The following GABRG3 variants were observed in gnomAD, a reference collection of about 807,000 sequenced individuals.
GABRG3 encodes the protein gamma-aminobutyric acid type A receptor subunit gamma3, also known as gamma-aminobutyric acid receptor subunit gamma-3.
A neutral mutation model predicts 48.8 loss-of-function variants in GABRG3; 25 were observed. The ratio of observed to expected loss-of-function variants is 0.51; its 90% CI spans 0.37 to 0.72. The LOEUF (loss-of-function observed/expected upper bound fraction) is 0.72. Ranked by LOEUF, GABRG3 falls within the 30% of genes least tolerant of loss-of-function variation. The pLI is 0.00. For missense variants in GABRG3, 394 were observed against 577.9 expected (o/e 0.68, Z 3.26); for synonymous variants, 227 against 217.6 (o/e 1.04, Z -0.38).
Position 27,535,701 on chromosome 15 carries a change from A to C in GABRG3, c.*2820A>C, listed in dbSNP as rs1891532452. The C allele has an allele frequency of 6.6e-6, 1 of 152,266 alleles. No individual in the cohort carries two copies. Among genetic ancestry groups the C allele is most frequent in the Non-Finnish European group, 1.5e-5 (1 of 68,068 alleles). The allele number at this position is 152,266 out of a possible 1,614,324, so 9.4% of individuals were successfully genotyped here. ...CAGGCTTGCATAATTCAAGTTCTCC[A>C]TATCAGTCTCAACTCCTGAGATGAG... On this transcript the variant is annotated 3_prime_UTR_variant, in exon 10 of 10. Coordinates refer to ENST00000615808, the MANE Select transcript of GABRG3 (RefSeq NM_033223.5).
chr15:27,178,164 A>G (rs1326541489), intron 3 of GABRG3, among the ~76,000 whole-genome samples: 4 of 152,214 alleles, frequency 2.6e-5, no homozygotes, highest in Admixed American at 6.5e-5. Flanking sequence ...AGTTTGGTCA[A>G]GAAGAGAATT....
At chr15:27,477,758 A>T (rs1889983587) in intron 5 of GABRG3, among the ~76,000 whole-genome samples, 1 of 152,096 alleles carries the variant, frequency 6.6e-6, no homozygotes, top group South Asian at 2.1e-4. Context: ...AAAGAAAAGG[A>T]GGCCGGGCAC....
intron 5 of GABRG3, among the ~76,000 whole-genome samples, chr15:27,418,407 C>T (rs1180654982): frequency 6.6e-6 from 1 of 152,182 alleles, no homozygotes; most frequent in East Asian, 1.9e-4. Context: ...TTCCTTGACC[C>T]CTTTGCACCT....
chr15:27,530,876 G>C (rs1462306969), intron 9 of GABRG3: 1 of 343,546 alleles, frequency 2.9e-6, no homozygotes, highest in Non-Finnish European at 5.9e-6. Context: ...ACACGTGTAG[G>C]AAACCTTTAT....
chr15:27,254,888 C>CACAGACAG (rs3068395), intron 3 of GABRG3, among the ~76,000 whole-genome samples: 24 of 150,704 alleles, frequency 1.6e-4, no homozygotes, highest in Non-Finnish European at 2.2e-4. Flanking sequence ...GAGAGACAGA[C>CACAGACAG]ACAGACAGAC....
intron 3 of GABRG3, among the ~76,000 whole-genome samples, chr15:27,225,301 C>G (rs868397898): frequency 6.6e-6 from 1 of 151,980 alleles, no homozygotes; most frequent in Non-Finnish European, 1.5e-5. Context: ...TCCCAGACAC[C>G]GCCCTGCAGG....
intron 9 of GABRG3, among the ~76,000 whole-genome samples, chr15:27,531,788 A>G (rs77713843): frequency 0.012 from 1,898 of 152,320 alleles, 39 homozygotes; most frequent in African/African-American, 0.043. Flanking sequence ...GCCATGTCTC[A>G]GGGTTAGGAA....
intron 3 of GABRG3, among the ~76,000 whole-genome samples, chr15:27,100,855 G>T (rs1897343724): frequency 6.6e-6 from 1 of 152,154 alleles, no homozygotes; most frequent in Admixed American, 6.5e-5. Flanking sequence ...CAAAATGCAC[G>T]CAGAACTACA....
chr15:27,098,229 T>C (rs1390188449), intron 3 of GABRG3, among the ~76,000 whole-genome samples: 1 of 151,162 alleles, frequency 6.6e-6, no homozygotes, highest in Non-Finnish European at 1.5e-5. Context: ...AGGTCAGGAG[T>C]TCAAGACCAG....
chr15:27,428,217 AC>A (rs1888349025), intron 5 of GABRG3: 1 of 152,114 alleles, frequency 6.6e-6, no homozygotes. Flanking sequence ...TGAGCAAATA[AC>A]CCCTTAAAAT....
chr15:27,047,642 C>T (rs923515691), intron 3 of GABRG3, among the ~76,000 whole-genome samples: 7 of 152,110 alleles, frequency 4.6e-5, no homozygotes, highest in Non-Finnish European at 8.8e-5. Context: ...AGATTTATAC[C>T]TTGCAAGCCT....
rs1023007646 is a variant in GABRG3 at position 27,147,172 on chromosome 15, A to G, written c.270+120351A>G. Among the ~76,000 whole-genome samples the G allele has an allele frequency of 1.8e-4, 28 of 152,074 alleles. 1 individual carries two copies. Among genetic ancestry groups the G allele is most frequent in the Non-Finnish European group, 7.4e-5 (5 of 67,962 alleles). On this transcript the variant is annotated intron_variant, in intron 3 of 9. Coordinates refer to ENST00000615808, the MANE Select transcript of GABRG3 (RefSeq NM_033223.5). ...TGGACAAAGTAGACTTTAACACTAT[A>G]GGAGGCAAAAAAGATACACATTTAT...
intron 3 of GABRG3, chr15:27,208,278 C>T (rs1252139685): frequency 5.3e-6 from 1 of 188,450 alleles, no homozygotes; most frequent in East Asian, 1.4e-4. Flanking sequence ...CAGCACTGGA[C>T]GAGCACCTGG....
At chr15:27,408,012 G>A (rs1887688949) in intron 5 of GABRG3, among the ~76,000 whole-genome samples, 2 of 152,172 alleles carry the variant, frequency 1.3e-5, no homozygotes, top group South Asian at 4.1e-4. Context: ...GGTGTGGGAT[G>A]TTGGTAATGG....
chr15:27,446,178 A>C (rs766036576), intron 5 of GABRG3, among the ~76,000 whole-genome samples: 19 of 152,226 alleles, frequency 1.2e-4, no homozygotes, highest in Admixed American at 3.9e-4. Context: ...TGTCTACACA[A>C]GAGTCAGCTA....
At chr15:27,424,181 A>G (rs1473655984) in intron 5 of GABRG3, among the ~76,000 whole-genome samples, 1 of 152,140 alleles carries the variant, frequency 6.6e-6, no homozygotes, top group Non-Finnish European at 1.5e-5. Flanking sequence ...TTATGCTAAC[A>G]GTGTGATCTA....
chr15:27,414,218 C>T (rs1414244931), intron 5 of GABRG3, among the ~76,000 whole-genome samples: 1 of 152,180 alleles, frequency 6.6e-6, no homozygotes, highest in Non-Finnish European at 1.5e-5. Context: ...CCCTTGGGAT[C>T]AGTTCATGTT....
chr15:27,062,666 C>G (rs1289207014), intron 3 of GABRG3, among the ~76,000 whole-genome samples: 1 of 151,896 alleles, frequency 6.6e-6, no homozygotes, highest in Non-Finnish European at 1.5e-5. Flanking sequence ...CTGAGTATGT[C>G]AATCTTTAGC....
At chr15:27,369,195 A>G (rs904998383) in intron 5 of GABRG3, among the ~76,000 whole-genome samples, 2 of 152,216 alleles carry the variant, frequency 1.3e-5, no homozygotes, top group Admixed American at 6.5e-5. Flanking sequence ...GCTTTATACC[A>G]TAGATGTTCA....
Sources: gnomAD v4.1 joint callset for allele counts (sites outside exome capture counted in the v4.1 genomes callset) on GRCh38, gnomAD v4.1.1 for gene constraint, MANE v1.5 for transcripts, NCBI Gene and HGNC (gene_info 2026-07-23, HGNC 2026-07-21) for gene names.